The following NKAIN3 variants were observed in gnomAD, a reference collection of about 807,000 sequenced individuals.
NKAIN3 encodes sodium/potassium-transporting ATPase subunit beta-1-interacting protein 3.
NKAIN3 carries 25 observed loss-of-function variants against 30.2 expected under a neutral mutation model. That is an observed-to-expected ratio of 0.83 (90% CI 0.60 to 1.16). The LOEUF is 1.16. Ranked by LOEUF, NKAIN3 falls within the 50% of genes most tolerant of loss-of-function variation. The probability of loss-of-function intolerance (pLI) is 0.00; values close to 1 mark genes in which losing one functional copy is unlikely to be tolerated. For synonymous variants in NKAIN3, 91 were observed against 89.6 expected (o/e 1.02, Z -0.09); for missense variants, 225 against 254.1 (o/e 0.89, Z 0.78).
intron 4 of NKAIN3, among the ~76,000 whole-genome samples, chr8:62,789,425 G>T (rs979883100): frequency 2.0e-5 from 3 of 152,232 alleles, no homozygotes; most frequent in South Asian, 2.1e-4. Flanking sequence ...AGCTTAAGGA[G>T]ATTTTGGGCT....
At chr8:62,669,158 C>T (rs1012519198) in intron 3 of NKAIN3, among the ~76,000 whole-genome samples, 20 of 152,284 alleles carry the variant, frequency 1.3e-4, no homozygotes, top group African/African-American at 4.6e-4. Context: ...AATGACTGAG[C>T]ATGACTGGGA....
rs115499702 is a variant in NKAIN3, at chr8:62,686,462, T to A, written c.274-60470T>A. On this transcript the variant is annotated intron_variant, in intron 3 of 6. Transcript: ENST00000623646. ...TCTGTACAGCCTGCAGAAAAAAAAG[T>A]GTTTTTAGAGAAAGGGGTAGAGAGA... Among the ~76,000 whole-genome samples, 498 of 152,246 alleles carry A rather than the reference T, an allele frequency of 3.3e-3. 4 individuals are homozygous for A. The highest frequency in any genetic ancestry group is 0.012 in the African/African-American group (483 of 41,540).
At chr8:62,761,076 A>T (rs1047321639) in intron 4 of NKAIN3, among the ~76,000 whole-genome samples, 6 of 152,088 alleles carry the variant, frequency 3.9e-5, no homozygotes, top group Admixed American at 1.3e-4. Context: ...ATTTTTTAAA[A>T]TTTTTTAATT....
intron 3 of NKAIN3, among the ~76,000 whole-genome samples, chr8:62,670,099 A>C (rs911035166): frequency 2.6e-5 from 4 of 152,316 alleles, no homozygotes; most frequent in Admixed American, 6.5e-5. Flanking sequence ...ACCATAAACA[A>C]CAACAAAAAA....
chr8:62,575,892 C>T (rs955627178), intron 1 of NKAIN3, among the ~76,000 whole-genome samples: 1 of 152,050 alleles, frequency 6.6e-6, no homozygotes, highest in Non-Finnish European at 1.5e-5. Flanking sequence ...ATAAATGGGT[C>T]AGGGAAAACT....
At chr8:62,914,161 C>A (rs1336717154) in intron 4 of NKAIN3, among the ~76,000 whole-genome samples, 1 of 152,104 alleles carries the variant, frequency 6.6e-6, no homozygotes, top group Non-Finnish European at 1.5e-5. Context: ...TACTATGCAA[C>A]CATAAAAAAT....
chr8:62,341,202 A>T (rs996885801), intron 1 of NKAIN3, among the ~76,000 whole-genome samples: 10 of 152,140 alleles, frequency 6.6e-5, no homozygotes, highest in African/African-American at 2.4e-4. Context: ...GTATGTAATT[A>T]TGAGTTCAAC....
chr8:62,954,051 A>G (rs956543384), intron 6 of NKAIN3, 79 bp downstream of exon 6: 2 of 268,710 alleles, frequency 7.4e-6, no homozygotes, highest in African/African-American at 4.6e-5. Flanking sequence ...AATAATTTGA[A>G]CCTACTACTA....
intron 1 of NKAIN3, among the ~76,000 whole-genome samples, chr8:62,544,801 A>G (rs990232287): frequency 1.3e-5 from 2 of 152,162 alleles, no homozygotes; most frequent in Admixed American, 1.3e-4. Flanking sequence ...CTCCTAAAAC[A>G]TATTAAGTAA....
chr8:62,324,655 A>G (rs769228497), intron 1 of NKAIN3, among the ~76,000 whole-genome samples: 10 of 152,178 alleles, frequency 6.6e-5, no homozygotes, highest in Non-Finnish European at 1.3e-4. Context: ...TTAAACAAAA[A>G]TTGCCAGGAA....
intron 4 of NKAIN3, among the ~76,000 whole-genome samples, chr8:62,748,483 C>T (rs925487652): frequency 4.6e-5 from 7 of 152,190 alleles, no homozygotes; most frequent in African/African-American, 1.4e-4. Context: ...ATCTATGACT[C>T]AGCCTGTAGT....
intron 4 of NKAIN3, among the ~76,000 whole-genome samples, chr8:62,879,092 C>T (rs1239925160): frequency 1.3e-5 from 2 of 152,198 alleles, no homozygotes; most frequent in Non-Finnish European, 2.9e-5. Flanking sequence ...GCCACACTGA[C>T]TTCCACAACG....
At chr8:62,566,470 A>T (rs900792900) in intron 1 of NKAIN3, among the ~76,000 whole-genome samples, 1 of 152,044 alleles carries the variant, frequency 6.6e-6, no homozygotes, top group Non-Finnish European at 1.5e-5. Context: ...AAAGAAAAAA[A>T]TTAATTAATG....
chr8:62,750,498 T>C (rs546851102), intron 4 of NKAIN3, among the ~76,000 whole-genome samples: 40 of 152,144 alleles, frequency 2.6e-4, no homozygotes, highest in Non-Finnish European at 5.4e-4. Context: ...AGGCTGTTGC[T>C]TGGGGCTCAG....
At chr8:62,910,059 G>T (rs1821887672) in intron 4 of NKAIN3, among the ~76,000 whole-genome samples, 1 of 152,056 alleles carries the variant, frequency 6.6e-6, no homozygotes, top group African/African-American at 2.4e-5. Flanking sequence ...ATATTCACTG[G>T]ATAGGGAGAC....
At chr8:62,493,356 GCTCT>G (rs1352821078) in intron 1 of NKAIN3, among the ~76,000 whole-genome samples, 1 of 151,894 alleles carries the variant, frequency 6.6e-6, no homozygotes, top group African/African-American at 2.4e-5. Context: ...TTATATTTGG[GCTCT>G]CTATTCTGCT....
chr8:62,869,145 C>CT (rs1342288494), intron 4 of NKAIN3, among the ~76,000 whole-genome samples: 2 of 152,156 alleles, frequency 1.3e-5, no homozygotes, highest in African/African-American at 2.4e-5. Flanking sequence ...GCATTTGTAA[C>CT]TTTTTTTAAT....
chr8:62,420,372 T>C (rs1804596495), intron 1 of NKAIN3, among the ~76,000 whole-genome samples: 1 of 152,160 alleles, frequency 6.6e-6, no homozygotes, highest in Admixed American at 6.6e-5. Context: ...TCCAATTACA[T>C]AGTCAATTAG....
intron 3 of NKAIN3, among the ~76,000 whole-genome samples, chr8:62,653,440 G>A (rs766717921): frequency 5.9e-5 from 9 of 152,128 alleles, no homozygotes; most frequent in Non-Finnish European, 1.0e-4. Context: ...GGGCTTCAGT[G>A]TAGGAGTTTT....
Sources: allele counts gnomAD v4.1 joint callset (sites outside exome capture counted in the v4.1 genomes callset), GRCh38; gene constraint gnomAD v4.1.1; transcripts MANE v1.5; gene names NCBI Gene and HGNC (gene_info 2026-07-23, HGNC 2026-07-21).